The following NTM variants were observed in gnomAD, a reference collection of about 807,000 sequenced individuals.
The protein encoded by NTM is IgLON family member 2.
Under a neutral mutation model 42.1 loss-of-function variants are expected in NTM, and 13 were observed. The ratio of observed to expected loss-of-function variants is 0.31; its 90% CI spans 0.20 to 0.49. NTM has a LOEUF of 0.49. Among genes scored for constraint, NTM ranks in the 20% least tolerant of loss-of-function variants. The pLI, the probability that NTM is intolerant of heterozygous loss-of-function variation, is 0.99. For synonymous variants in NTM, 187 were observed against 179.2 expected, an observed-to-expected ratio of 1.04 and a Z score of -0.35; for missense variants, 373 against 452.8, an observed-to-expected ratio of 0.82 and a Z score of 1.60.
intron 2 of NTM, among the ~76,000 whole-genome samples, chr11:131,990,510 C>CGT (rs2066832599): frequency 6.6e-6 from 1 of 151,578 alleles, no homozygotes; most frequent in East Asian, 1.9e-4. Context: ...TGTGTGTTTG[C>CGT]ATGTGTGTGT....
chr11:131,620,957 C>T (rs370777588), intron 1 of NTM, among the ~76,000 whole-genome samples: 18 of 152,126 alleles, frequency 1.2e-4, no homozygotes, highest in Non-Finnish European at 2.4e-4. Context: ...TGAATCATAA[C>T]GATAAATTAC....
chr11:131,706,513 C>T (rs950075702), intron 1 of NTM, among the ~76,000 whole-genome samples: 6 of 151,844 alleles, frequency 4.0e-5, no homozygotes, highest in African/African-American at 1.4e-4. Flanking sequence ...AAGAACATTC[C>T]ATCCAACAGC....
At chr11:131,435,700 GT>G (rs1949067454) in intron 1 of NTM, among the ~76,000 whole-genome samples, 1 of 152,174 alleles carries the variant, frequency 6.6e-6, no homozygotes, top group Non-Finnish European at 1.5e-5. Context: ...AGATGATGGG[GT>G]TTTCTAAATA....
At chr11:132,237,684 C>A (rs1219093159) in intron 4 of NTM, among the ~76,000 whole-genome samples, 1 of 152,158 alleles carries the variant, frequency 6.6e-6, no homozygotes. Context: ...AGGCAGAGGC[C>A]TCAAGCCAAC....
At chr11:131,706,764 A>T (rs1327822132) in intron 1 of NTM, among the ~76,000 whole-genome samples, 1 of 152,050 alleles carries the variant, frequency 6.6e-6, no homozygotes, top group Non-Finnish European at 1.5e-5. Context: ...AAAAGGGAAA[A>T]TTTTTTAAAA....
intron 1 of NTM, among the ~76,000 whole-genome samples, chr11:131,482,607 G>A (rs754188495): frequency 6.6e-6 from 1 of 152,086 alleles, no homozygotes; most frequent in Non-Finnish European, 1.5e-5. Context: ...AGGCTTGCAC[G>A]CTGCCTTGAT....
At chr11:131,409,761 G>A (rs1387949557) in intron 1 of NTM, among the ~76,000 whole-genome samples, 8 of 152,186 alleles carry the variant, frequency 5.3e-5, no homozygotes, top group African/African-American at 9.6e-5. Context: ...CTTTGGAAGC[G>A]CCTTTAAGAA....
intron 1 of NTM, among the ~76,000 whole-genome samples, chr11:131,532,475 A>AC (rs2051435089): frequency 6.6e-6 from 1 of 152,320 alleles, no homozygotes; most frequent in Middle Eastern, 3.4e-3. Context: ...TCTGTCATAG[A>AC]CACTGGGTTG....
chr11:131,878,655 A>T (rs1299467854), intron 1 of NTM, among the ~76,000 whole-genome samples: 9 of 135,062 alleles, frequency 6.7e-5, no homozygotes, highest in Admixed American at 2.3e-4. Context: ...TCTTATGTTC[A>T]TACAGCACTT....
At chr11:131,615,058 C>A (rs1241678726) in intron 1 of NTM, among the ~76,000 whole-genome samples, 1 of 152,148 alleles carries the variant, frequency 6.6e-6, no homozygotes. Flanking sequence ...GCTCTCCATC[C>A]CAAAAAGCTG....
At chr11:132,161,643 TC>T (rs2137627658) in intron 3 of NTM, among the ~76,000 whole-genome samples, 1 of 152,074 alleles carries the variant, frequency 6.6e-6, no homozygotes, top group East Asian at 2.0e-4. Context: ...CTTTGCTTCC[TC>T]TCCTCTTCCC....
At chr11:131,394,850 G>A (rs958259214) in intron 1 of NTM, among the ~76,000 whole-genome samples, 1 of 152,148 alleles carries the variant, frequency 6.6e-6, no homozygotes, top group African/African-American at 2.4e-5. Context: ...TATTTGCGGG[G>A]TGTCAATGGT....
chr11:132,077,131 T>C lies in NTM; in HGVS notation c.168-69151T>C, dbSNP rs143870013. Among the ~76,000 whole-genome samples, 450 of 152,300 alleles carry C rather than the reference T, an allele frequency of 3.0e-3. 5 individuals carry two copies. The highest frequency in any genetic ancestry group is 0.01 in the African/African-American group (416 of 41,548). ...CAGTCATTGCCGCCAGCCAACCCTATGGACTTGTTGGTGACACATGCGAAG... is the reference window on the plus strand; with the variant it reads ...CAGTCATTGCCGCCAGCCAACCCTACGGACTTGTTGGTGACACATGCGAAG... On this transcript the variant is annotated intron_variant, in intron 2 of 8. Coordinates refer to ENST00000683400, the MANE Select transcript of NTM (RefSeq NM_001352005.2).
At chr11:131,397,545 G>C (rs1223178285) in intron 1 of NTM, among the ~76,000 whole-genome samples, 2 of 152,136 alleles carry the variant, frequency 1.3e-5, no homozygotes. Flanking sequence ...CACTCCCATA[G>C]CTTTCTTTGG....
At chr11:131,741,340 T>C (rs2081182938) in intron 1 of NTM, among the ~76,000 whole-genome samples, 1 of 152,160 alleles carries the variant, frequency 6.6e-6, no homozygotes, top group Admixed American at 6.5e-5. Context: ...TCTGTACCAC[T>C]TGTGGGAGTG....
intron 1 of NTM, among the ~76,000 whole-genome samples, chr11:131,754,803 T>C (rs1313306461): frequency 1.3e-5 from 2 of 152,060 alleles, no homozygotes; most frequent in Non-Finnish European, 2.9e-5. Context: ...AACAGATGAG[T>C]GGATAAACAA....
chr11:131,576,461 GCT>G (rs1385206990), intron 1 of NTM, among the ~76,000 whole-genome samples: 3 of 151,964 alleles, frequency 2.0e-5, no homozygotes, highest in African/African-American at 4.8e-5. Flanking sequence ...TTATACTTTT[GCT>G]CGATTCTCCA....
At chr11:131,660,301 T>C in intron 1 of NTM, 1 of 358,054 alleles carries the variant, frequency 2.8e-6, no homozygotes, top group Non-Finnish European at 5.6e-6. Flanking sequence ...GAAGCAGGTC[T>C]GAAAGACAGA....
At chr11:131,724,103 A>T (rs1028104053) in intron 1 of NTM, among the ~76,000 whole-genome samples, 1 of 152,140 alleles carries the variant, frequency 6.6e-6, no homozygotes, top group African/African-American at 2.4e-5. Context: ...CCAGGGCTGT[A>T]ATTAGTGCTA....
Sources: gnomAD v4.1 joint callset for allele counts (sites outside exome capture counted in the v4.1 genomes callset) on GRCh38, gnomAD v4.1.1 for gene constraint, MANE v1.5 for transcripts, NCBI Gene and HGNC (gene_info 2026-07-23, HGNC 2026-07-21) for gene names.